PVT1: variants seen among roughly 807,000 people sequenced by gnomAD.
The protein encoded by PVT1 is CXCR4/PVT1 fusion.
At position 128,086,412 on chromosome 8, in the gene PVT1, T is replaced by C. The variant is rs1251798205; in HGVS notation, n.1115-10106T>C. Among the ~76,000 whole-genome samples the C allele has an allele frequency of 2.6e-5, 4 of 152,296 alleles. No homozygotes were observed. The South Asian group carries it at 8.3e-4, about 32-fold the overall frequency. On this transcript the variant is annotated intron_variant and non_coding_transcript_variant, in intron 5 of 10. Coordinates refer to ENST00000651587, the Ensembl canonical transcript of PVT1. Reference sequence around the variant, plus strand: ...CCAAGTGCTACTATGCTAATCCTCATGTGAAAGGCAAACCTACTTCAGGAC... The same window carrying C: ...CCAAGTGCTACTATGCTAATCCTCACGTGAAAGGCAAACCTACTTCAGGAC...
intron 4 of PVT1, chr8:128,008,969 C>T (rs377133876): frequency 3.9e-5 from 20 of 514,440 alleles, no homozygotes; most frequent in Non-Finnish European, 6.5e-5. Flanking sequence ...AAATTATGCT[C>T]GCCACACAAT....
intron 3 of PVT1, among the ~76,000 whole-genome samples, chr8:127,988,190 G>A (rs1308236022): frequency 6.6e-6 from 1 of 152,198 alleles, no homozygotes; most frequent in Non-Finnish European, 1.5e-5. Context: ...CTTGCCTGTG[G>A]GGCAAGGATG....
chr8:127,909,913 C>T (rs1012492956), intron 3 of PVT1, among the ~76,000 whole-genome samples: 2 of 151,906 alleles, frequency 1.3e-5, no homozygotes, highest in South Asian at 2.1e-4. Flanking sequence ...ACATGATGCT[C>T]CTTTTCTTGG....
chr8:127,989,408 C>T (rs566023997), intron 4 of PVT1: 13 of 151,812 alleles, frequency 8.6e-5, no homozygotes, highest in Non-Finnish European at 1.5e-4. Context: ...CTTCCTGTGC[C>T]GCTCCAATGT....
chr8:127,870,656 T>C (rs1815342093), intron 2 of PVT1, among the ~76,000 whole-genome samples: 1 of 152,180 alleles, frequency 6.6e-6, no homozygotes, highest in African/African-American at 2.4e-5. Flanking sequence ...CATTTAGAGC[T>C]CTGGGAGCTC....
chr8:128,097,326 AC>A (rs11320454), intron 6 of PVT1, among the ~76,000 whole-genome samples: 116,004 of 151,948 alleles, frequency 0.76, 44,480 homozygotes, highest in Non-Finnish European at 0.79. Flanking sequence ...GCGCCACTGA[AC>A]CTCCAGCCTG....
At chr8:127,854,047 G>T (rs1470482754) in intron 2 of PVT1, among the ~76,000 whole-genome samples, 3 of 152,236 alleles carry the variant, frequency 2.0e-5, no homozygotes, top group East Asian at 1.9e-4. Flanking sequence ...AGGCCTGCTG[G>T]TATCCCAGCC....
At chr8:127,836,291 T>A (rs953684101) in intron 2 of PVT1, among the ~76,000 whole-genome samples, 5 of 152,240 alleles carry the variant, frequency 3.3e-5, no homozygotes, top group Admixed American at 2.0e-4. Context: ...ATTCTTTTTT[T>A]AAAATTAATT....
intron 2 of PVT1, among the ~76,000 whole-genome samples, chr8:127,841,496 A>G (rs1045959014): frequency 6.6e-6 from 1 of 151,666 alleles, no homozygotes; most frequent in African/African-American, 2.4e-5. Context: ...CTGGTCTTGA[A>G]CTCCTGACCT....
At chr8:127,868,726 C>G (rs1815311993) in intron 2 of PVT1, among the ~76,000 whole-genome samples, 1 of 34,818 alleles carries the variant, frequency 2.9e-5, no homozygotes, top group South Asian at 1.2e-3. Flanking sequence ...TTTAATAGTC[C>G]TGTGTGTATA....
chr8:127,807,118 CAT>C (rs1042580588), intron 2 of PVT1, among the ~76,000 whole-genome samples: 4 of 152,162 alleles, frequency 2.6e-5, no homozygotes, highest in African/African-American at 9.7e-5. Flanking sequence ...AAATTGGAAA[CAT>C]GTGCAGCCCC....
intron 5 of PVT1, among the ~76,000 whole-genome samples, chr8:128,076,270 C>T (rs1197680639): frequency 6.6e-6 from 1 of 152,100 alleles, no homozygotes; most frequent in Non-Finnish European, 1.5e-5. Flanking sequence ...AATAACTGGG[C>T]CTACACACTG....
intron 2 of PVT1, among the ~76,000 whole-genome samples, chr8:127,887,415 A>G (rs1815535273): frequency 6.6e-6 from 1 of 152,208 alleles, no homozygotes; most frequent in Non-Finnish European, 1.5e-5. Flanking sequence ...TTTTAGAAAT[A>G]TTTGTTCAGA....
At chr8:128,057,046 C>T (rs1056662338) in intron 4 of PVT1, among the ~76,000 whole-genome samples, 2 of 152,208 alleles carry the variant, frequency 1.3e-5, no homozygotes, top group African/African-American at 4.8e-5. Context: ...ATTCTCACCT[C>T]ACCACTTCCA....
At chr8:127,953,296 A>G (rs190329933) in intron 3 of PVT1, among the ~76,000 whole-genome samples, 1 of 152,304 alleles carries the variant, frequency 6.6e-6, no homozygotes, top group Admixed American at 6.5e-5. Context: ...CTGTGCAGGA[A>G]TGCTTTTACT....
intron 3 of PVT1, among the ~76,000 whole-genome samples, chr8:127,911,824 C>G (rs1039845365): frequency 1.3e-5 from 2 of 152,248 alleles, no homozygotes; most frequent in Admixed American, 1.3e-4. Flanking sequence ...TATGGGTGAC[C>G]TCCCTGCTCC....
chr8:127,975,635 G>A (rs996379306), intron 3 of PVT1, among the ~76,000 whole-genome samples: 11 of 152,308 alleles, frequency 7.2e-5, no homozygotes, highest in African/African-American at 2.4e-4. Flanking sequence ...TGCTCTTCAC[G>A]TCGTGGGGTT....
At chr8:128,013,465 T>A (rs1478468870) in intron 4 of PVT1, among the ~76,000 whole-genome samples, 1 of 152,184 alleles carries the variant, frequency 6.6e-6, no homozygotes, top group African/African-American at 2.4e-5. Context: ...TATTATGGAA[T>A]TGTAATGTGT....
chr8:127,843,683 G>T (rs1472072887), intron 2 of PVT1, among the ~76,000 whole-genome samples: 2 of 151,568 alleles, frequency 1.3e-5, no homozygotes, highest in African/African-American at 4.9e-5. Context: ...CTGACCTTGT[G>T]ATCCACCCTC....
Sources: gnomAD v4.1 joint callset for allele counts (sites outside exome capture counted in the v4.1 genomes callset) on GRCh38, gnomAD v4.1.1 for gene constraint, MANE v1.5 for transcripts, NCBI Gene and HGNC (gene_info 2026-07-23, HGNC 2026-07-21) for gene names.